POLR1F: variants seen among roughly 807,000 people sequenced by gnomAD.
The protein encoded by POLR1F is RNA polymerase I subunit F.
A neutral mutation model predicts 21.8 loss-of-function variants in POLR1F; 23 were observed. That is an observed-to-expected ratio of 1.05 (90% confidence interval 0.76 to 1.49). The LOEUF (loss-of-function observed/expected upper bound fraction) is 1.49, where lower values mean the gene tolerates loss of function less well. POLR1F is among the 40% of genes most tolerant of loss of function. The probability of loss-of-function intolerance (pLI) is 0.00; values close to 1 mark genes in which losing one functional copy is unlikely to be tolerated. For missense variants in POLR1F, 435 were observed against 412.1 expected, an observed-to-expected ratio of 1.06 and a Z score of -0.48; for synonymous variants, 162 against 152.8, an observed-to-expected ratio of 1.06 and a Z score of -0.45.
intron 3 of POLR1F, among the ~76,000 whole-genome samples, chr7:19,699,504 T>C (rs73081092): frequency 6.6e-6 from 1 of 152,284 alleles, no homozygotes; most frequent in Non-Finnish European, 1.5e-5. Flanking sequence ...ACCCATACTC[T>C]TGTAACTTTA....
Position 19,696,082 on chromosome 7 carries a change from A to G in POLR1F, c.*2234T>C, listed in dbSNP as rs1417335369. On this transcript the variant is annotated 3_prime_UTR_variant, in exon 4 of 4. Transcript: ENST00000222567. ...GAGGGTAAGGGATCTAGTCTAGGCT[A>G]TAGGGTTTGTATGAGCAAATTCCAA... 2.0e-5 allele frequency: 3 copies of G among 152,132 alleles called. No homozygotes were observed. The highest frequency in any genetic ancestry group is 1.3e-4 in the Admixed American group (2 of 15,272). The allele number at this position is 152,132 out of a possible 1,614,324, so 9.4% of individuals were successfully genotyped here.
chr7:19,700,397 T>C, intron 2 of POLR1F, 117 bp from the exon 3 acceptor site: 1 of 751,182 alleles, frequency 1.3e-6, no homozygotes, highest in East Asian at 2.7e-5. Flanking sequence ...AAATTAATGG[T>C]CTAATTTAAT....
chr7:19,706,129 T>C (rs1275481220), intron 1 of POLR1F, among the ~76,000 whole-genome samples: 1 of 152,174 alleles, frequency 6.6e-6, no homozygotes, highest in Non-Finnish European at 1.5e-5. Flanking sequence ...AAAGAATTTA[T>C]CCCTAACAGA....
At position 19,708,803 on chromosome 7, in the gene POLR1F, G is replaced by C. The variant is rs1783574332; in HGVS notation, c.214C>G (p.Arg72Gly). The change falls in exon 1 of 4, where the codon CGA (arginine) becomes GGA (glycine). Residue 72 changes from arginine (R) to glycine (G), a missense_variant. Physicochemically the swap from Arg to Gly is moderately radical, Grantham distance 125 (BLOSUM62 -2). Coordinates refer to ENST00000222567, the MANE Select transcript of POLR1F (RefSeq NM_001002926.2). Reference sequence around the variant, plus strand: ...AGGAGCTCCGCATCAAGCTGTTCTCGAATGCCGGTGCGTTTCCTGTTAAGG... The same window carrying C: ...AGGAGCTCCGCATCAAGCTGTTCTCCAATGCCGGTGCGTTTCCTGTTAAGG... Reference protein sequence around the residue: ...RYLNRKRTGIREQLDAELLRY... With the variant: ...RYLNRKRTGIGEQLDAELLRY... The C allele has an allele frequency of 1.2e-6, 2 of 1,614,060 alleles. No individual in the cohort carries two copies. The highest frequency in any genetic ancestry group is 8.5e-7 in the Non-Finnish European group (1 of 1,179,906).
chr7:19,706,092 C>A (rs1227479894), intron 1 of POLR1F, among the ~76,000 whole-genome samples: 1 of 152,158 alleles, frequency 6.6e-6, no homozygotes, highest in Non-Finnish European at 1.5e-5. Context: ...TGAACTCAAA[C>A]TTCTAACAAT....
At position 19,698,682 on chromosome 7, in the gene POLR1F, AT is replaced by A. The variant is rs1392802064; in HGVS notation, c.650del (p.Asn217MetfsTer31). Reference protein sequence around the residue: ...RSEVSEEVTENGTEEAAKKPK... With the variant: ...RSEVSEEVTEXGTEEAAKKPK... ...GTTTTTTAGCAGCTTCCTCAGTGCC[AT>A]TTTCTGTAACTTCTTCAGAAACTTC... On this transcript the variant is annotated frameshift_variant, in exon 4 of 4. Coordinates refer to ENST00000222567, the MANE Select transcript of POLR1F (RefSeq NM_001002926.2). LOFTEE classifies it low-confidence loss of function (END_TRUNC). The A allele has an allele frequency of 6.4e-7, 1 of 1,570,698 alleles. No homozygotes were observed. Among genetic ancestry groups the A allele is most frequent in the Non-Finnish European group, 8.6e-7 (1 of 1,168,014 alleles).
At position 19,696,795 on chromosome 7, in the gene POLR1F, T is replaced by C. The variant is rs1196102962; in HGVS notation, c.*1521A>G. On this transcript the variant is annotated 3_prime_UTR_variant, in exon 4 of 4. Coordinates refer to ENST00000222567, the MANE Select transcript of POLR1F (RefSeq NM_001002926.2). ...CATATTGATTTCACCAATATAAAAATTGAGATAGTTTACATTTTTTGGTAC... is the reference window on the plus strand; with the variant it reads ...CATATTGATTTCACCAATATAAAAACTGAGATAGTTTACATTTTTTGGTAC... 2 of 152,094 alleles carry C rather than the reference T, an allele frequency of 1.3e-5. No individual in the cohort carries two copies. Among genetic ancestry groups the C allele is most frequent in the African/African-American group, 4.8e-5 (2 of 41,446 alleles). The allele number at this position is 152,094 out of a possible 1,614,324, so 9.4% of individuals were successfully genotyped here.
rs1051075765 is a variant in POLR1F, at chr7:19,698,291, A to G, written c.*25T>C. ...CTATTGTATGTAGATCGATCTTTTA[A>G]AAACTGAATCGTGTTTAAAATACAC... On this transcript the variant is annotated 3_prime_UTR_variant, in exon 4 of 4. Coordinates refer to ENST00000222567, the MANE Select transcript of POLR1F (RefSeq NM_001002926.2). 3 of 1,527,390 alleles carry G rather than the reference A, an allele frequency of 2.0e-6. No homozygotes were observed. The African/African-American group carries it at 4.2e-5, about 21-fold the overall frequency. 94.6% of individuals were successfully genotyped at this position (1,527,390 alleles called of 1,614,324 possible). A position where few individuals can be genotyped will look rare whatever the true frequency, so the allele number is the denominator to read the frequency against.
rs1250325131 is a variant in POLR1F at position 19,700,137 on chromosome 7, T to C, written c.540A>G (p.Glu180=). ...EINMGDELEF[E]VFRLDSDAAG... is the part of the protein sequence containing the mutation. ...CAGCATCTGAGTCTAAACGAAATAC[T>C]TCAAATTCTAGTTCATCACCCATGT... The change falls in exon 3 of 4, where the codon GAA becomes GAG. Residue 180 remains glutamate (E), a synonymous_variant. Coordinates refer to ENST00000222567, the MANE Select transcript of POLR1F (RefSeq NM_001002926.2). 1 of 1,613,854 alleles carries C rather than the reference T, an allele frequency of 6.2e-7. No homozygotes were observed. The highest frequency in any genetic ancestry group is 1.7e-5 in the Admixed American group (1 of 59,996).
In POLR1F at chr7:19,708,952, T is replaced by C. The variant is rs776215146; in HGVS notation, c.65A>G (p.Gln22Arg). The change falls in exon 1 of 4, where the codon CAG becomes CGG. Residue 22 changes from glutamine to arginine, a missense_variant. Coordinates refer to ENST00000222567, the MANE Select transcript of POLR1F (RefSeq NM_001002926.2). ...CTCTAGGCAAGGCAGGACGCCAGCC[T>C]GCCCTACCAGAGACCCATCAGAAGC... ...AAASDGSLVG[Q>R]AGVLPCLELP... 1 of 1,612,370 alleles carries C rather than the reference T, an allele frequency of 6.2e-7. No homozygotes were observed.
chr7:19,702,508 G>A (rs1783458805), intron 2 of POLR1F, among the ~76,000 whole-genome samples: 1 of 152,104 alleles, frequency 6.6e-6, no homozygotes. Context: ...CTTTTCGGCA[G>A]ACAAATTTCT....
chr7:19,706,249 T>C (rs753535675), intron 1 of POLR1F, among the ~76,000 whole-genome samples: 36 of 152,340 alleles, frequency 2.4e-4, no homozygotes, highest in Non-Finnish European at 3.4e-4. Context: ...TCTGAGGTTT[T>C]AATTTCCGCA....
Position 19,698,238 on chromosome 7 carries a change from T to G in POLR1F, c.*78A>C, listed in dbSNP as rs1166348220. ...TGTAAACTACTGGCATACTTAACCTTTTCATATCACTGAAAACATTTATTC... is the reference window on the plus strand; with the variant it reads ...TGTAAACTACTGGCATACTTAACCTGTTCATATCACTGAAAACATTTATTC... On this transcript the variant is annotated 3_prime_UTR_variant, in exon 4 of 4. Transcript: ENST00000222567. 7.4e-7 allele frequency: 1 copy of G among 1,360,314 alleles called. No individual in the cohort carries two copies. Among genetic ancestry groups the G allele is most frequent in the Non-Finnish European group, 9.7e-7 (1 of 1,033,958 alleles). 84.3% of individuals were successfully genotyped at this position (1,360,314 alleles called of 1,614,324 possible).
At chr7:19,700,050 A>C in intron 3 of POLR1F, 22 bp downstream of exon 3, 1 of 1,578,690 alleles carries the variant, frequency 6.3e-7, no homozygotes, top group Non-Finnish European at 8.7e-7. Context: ...ACCTAGTGAT[A>C]ATTACGTAAT....
In POLR1F at chr7:19,701,460, G is replaced by T. The variant is rs1383700229; in HGVS notation, c.397-1180C>A. Among the ~76,000 whole-genome samples the T allele has an allele frequency of 2.6e-5, 4 of 152,174 alleles. No individual in the cohort carries two copies. The East Asian group carries it at 7.7e-4, about 29-fold the overall frequency. ...AACTATTCCGTATCATACTATAATG[G>T]AAGATAAGTTGTTGGGATTCACTCA... On this transcript the variant is annotated intron_variant, in intron 2 of 3. Coordinates refer to ENST00000222567, the MANE Select transcript of POLR1F (RefSeq NM_001002926.2).
At chr7:19,698,830 C>T in intron 3 of POLR1F, 103 bp from the exon 4 acceptor site, 1 of 948,976 alleles carries the variant, frequency 1.1e-6, no homozygotes, top group Non-Finnish European at 1.5e-6. Context: ...TAAATAATGA[C>T]TCCAGTACAA....
rs552646057 is a variant in POLR1F, at chr7:19,695,772, C to T, written c.*2544G>A. 2.6e-5 allele frequency: 4 copies of T among 152,144 alleles called. No homozygotes were observed. The highest frequency in any genetic ancestry group is 9.7e-5 in the African/African-American group (4 of 41,446). The allele number at this position is 152,144 out of a possible 1,614,324, so 9.4% of individuals were successfully genotyped here. The stretch of plus-strand genomic sequence containing the variant: ...CGAAGGTGGTGCCTGAGGTCTTTTA[C>T]ATTAGATAACTTCTTAGTCCTCTGT... On this transcript the variant is annotated 3_prime_UTR_variant, in exon 4 of 4. Transcript: ENST00000222567.
rs1562597884 is a variant in POLR1F, at chr7:19,708,943, A to G, written c.74T>C (p.Val25Ala). ...AGTCGGCAACTCTAGGCAAGGCAGGACGCCAGCCTGCCCTACCAGAGACCC... is the reference window on the plus strand; with the variant it reads ...AGTCGGCAACTCTAGGCAAGGCAGGGCGCCAGCCTGCCCTACCAGAGACCC... Reference protein sequence around the residue: ...SDGSLVGQAGVLPCLELPTYA... With the variant: ...SDGSLVGQAGALPCLELPTYA... The change falls in exon 1 of 4, where the codon GTC (valine) becomes GCC (alanine). Residue 25 changes from valine to alanine, a missense_variant. Physicochemically the swap from Val to Ala is moderately conservative, Grantham distance 64. Transcript: ENST00000222567. 6.2e-7 allele frequency: 1 copy of G among 1,612,810 alleles called. No homozygotes were observed. Among genetic ancestry groups the G allele is most frequent in the Non-Finnish European group, 8.5e-7 (1 of 1,179,732 alleles).
chr7:19,702,076 A>G (rs1320523570), intron 2 of POLR1F, among the ~76,000 whole-genome samples: 2 of 152,182 alleles, frequency 1.3e-5, no homozygotes, highest in Non-Finnish European at 2.9e-5. Flanking sequence ...ATGCCATGAC[A>G]CATTTGTGGA....
Sources: allele counts gnomAD v4.1 joint callset (sites outside exome capture counted in the v4.1 genomes callset), GRCh38; gene constraint gnomAD v4.1.1; transcripts MANE v1.5; gene names NCBI Gene and HGNC (gene_info 2026-07-23, HGNC 2026-07-21).